Variants in CDH11 observed in about 807,000 individuals in gnomAD.
The protein encoded by CDH11 is cadherin 11.
Under a neutral mutation model 67.8 loss-of-function variants are expected in CDH11, and 11 were observed. The ratio of observed to expected loss-of-function variants is 0.16; its 90% CI spans 0.10 to 0.27. The LOEUF is 0.27. CDH11 is among the 10% of genes least tolerant of loss of function. The pLI, the probability that CDH11 is intolerant of heterozygous loss-of-function variation, is 1.00. For synonymous variants in CDH11, 419 were observed against 400.0 expected (o/e 1.05, Z -0.57); for missense variants, 847 against 1,031.2 (o/e 0.82, Z 2.45).
intron 2 of CDH11, among the ~76,000 whole-genome samples, chr16:65,024,148 G>C (rs1433114224): frequency 6.6e-6 from 1 of 152,124 alleles, no homozygotes; most frequent in African/African-American, 2.4e-5. Flanking sequence ...TGTGAAATTT[G>C]ATAAGGGCAC....
intron 2 of CDH11, among the ~76,000 whole-genome samples, chr16:65,044,975 G>C (rs2073929553): frequency 6.6e-6 from 1 of 152,030 alleles, no homozygotes; most frequent in African/African-American, 2.4e-5. Context: ...CAGCCTCCCT[G>C]GTGGGGGCTT....
rs1251451192 is a variant in CDH11 at position 64,946,792 on chromosome 16, CTT to C, written c.*809_*810del. The C allele has an allele frequency of 3.4e-6, 3 of 878,904 alleles. No individual in the cohort carries two copies. The highest frequency in any genetic ancestry group is 4.2e-6 in the Non-Finnish European group (3 of 722,010). The allele number at this position is 878,904 out of a possible 1,614,324, so 54.4% of individuals were successfully genotyped here. A position where few individuals can be genotyped will look rare whatever the true frequency, so the allele number is the denominator to read the frequency against. On this transcript the variant is annotated 3_prime_UTR_variant, in exon 13 of 13. Coordinates refer to ENST00000268603, the MANE Select transcript of CDH11 (RefSeq NM_001797.4). ...ATCAAACCCAGAATTAAAAAAAAAT[CTT>C]TTTTTATTTCAAAGATTGCTTCTTA...
At position 64,946,111 on chromosome 16, in the gene CDH11, T is replaced by A. The variant is rs2071191622; in HGVS notation, c.*1492A>T. On this transcript the variant is annotated 3_prime_UTR_variant, in exon 13 of 13. Transcript: ENST00000268603. The stretch of plus-strand genomic sequence containing the variant: ...GAATCCAAAATGGTCCCTGCCCTCA[T>A]TCTGAGCTTACGGCCCCAAGCATAT... 1.9e-6 allele frequency: 2 copies of A among 1,057,108 alleles called. No individual in the cohort carries two copies. The highest frequency in any genetic ancestry group is 1.0e-4 in the East Asian group (2 of 19,096). 65.5% of individuals were successfully genotyped at this position (1,057,108 alleles called of 1,614,324 possible).
At chr16:65,077,733 C>T (rs2074538513) in intron 1 of CDH11, among the ~76,000 whole-genome samples, 1 of 152,174 alleles carries the variant, frequency 6.6e-6, no homozygotes, top group South Asian at 2.1e-4. Context: ...CTATAGGACT[C>T]AGAAGTATCA....
intron 2 of CDH11, among the ~76,000 whole-genome samples, chr16:65,044,391 GA>G (rs565711943): frequency 6.6e-5 from 10 of 151,726 alleles, no homozygotes; most frequent in Non-Finnish European, 1.5e-4. Context: ...AAAATCAGAA[GA>G]AAAAAATGAC....
At chr16:65,033,919 T>C (rs1254397546) in intron 2 of CDH11, among the ~76,000 whole-genome samples, 2 of 152,116 alleles carry the variant, frequency 1.3e-5, no homozygotes, top group Admixed American at 6.5e-5. Context: ...ATTCAAAGAA[T>C]ACTTGTGTGA....
intron 2 of CDH11, among the ~76,000 whole-genome samples, chr16:65,029,635 G>C (rs1399553609): frequency 1.3e-5 from 2 of 152,214 alleles, no homozygotes; most frequent in Non-Finnish European, 2.9e-5. Flanking sequence ...TGTTGAATCA[G>C]TTCCTTAATG....
chr16:64,989,041 T>A (rs186204275), intron 6 of CDH11, among the ~76,000 whole-genome samples: 1 of 152,144 alleles, frequency 6.6e-6, no homozygotes, highest in Non-Finnish European at 1.5e-5. Context: ...CTTGTTTTGT[T>A]TACTACTAAA....
At chr16:65,061,146 G>A (rs1462131954) in intron 1 of CDH11, among the ~76,000 whole-genome samples, 1 of 152,148 alleles carries the variant, frequency 6.6e-6, no homozygotes, top group Non-Finnish European at 1.5e-5. Context: ...TGTTATTTGT[G>A]GCTATTTGGT....
intron 7 of CDH11, chr16:64,987,064 T>C (rs2072505165): frequency 6.6e-6 from 1 of 152,244 alleles, no homozygotes; most frequent in East Asian, 1.9e-4. Flanking sequence ...ATATTCATGC[T>C]ATAAAACTAA....
intron 1 of CDH11, among the ~76,000 whole-genome samples, chr16:65,065,833 G>T (rs2074304322): frequency 6.6e-6 from 1 of 152,216 alleles, no homozygotes; most frequent in African/African-American, 2.4e-5. Flanking sequence ...AAGCCCTCAA[G>T]GTCTCCTTGG....
At chr16:65,021,561 C>A (rs1023138715) in intron 2 of CDH11, among the ~76,000 whole-genome samples, 2 of 72,658 alleles carry the variant, frequency 2.8e-5, no homozygotes, top group African/African-American at 1.0e-4. Flanking sequence ...TAAATACACA[C>A]ACACACACAT....
chr16:64,988,961 T>C (rs1361351109), intron 6 of CDH11, among the ~76,000 whole-genome samples: 5 of 152,140 alleles, frequency 3.3e-5, no homozygotes, highest in Non-Finnish European at 7.3e-5. Flanking sequence ...ATATATTTAT[T>C]TAATGTTTAT....
At position 64,948,002 on chromosome 16, in the gene CDH11, A is replaced by G; in HGVS notation, c.1992T>C (p.Asp664=). ...EDVRENIITY[D]DEGGGEEDTE... is the part of the protein sequence containing the mutation. ...TGTCTTCTTCCCCACCCCCTTCATCATCATAAGTAATGATGTTCTCACGGA... is the reference window on the plus strand; with the variant it reads ...TGTCTTCTTCCCCACCCCCTTCATCGTCATAAGTAATGATGTTCTCACGGA... Residue 664 remains aspartate, a synonymous_variant, in exon 13 of 13, where the codon GAT becomes GAC. Coordinates refer to ENST00000268603, the MANE Select transcript of CDH11 (RefSeq NM_001797.4). 1 of 1,614,174 alleles carries G rather than the reference A, an allele frequency of 6.2e-7. No homozygotes were observed. Among genetic ancestry groups the G allele is most frequent in the African/African-American group, 1.3e-5 (1 of 75,034 alleles).
intron 11 of CDH11, among the ~76,000 whole-genome samples, chr16:64,958,769 A>C (rs759190300): frequency 6.6e-5 from 10 of 152,180 alleles, no homozygotes; most frequent in Non-Finnish European, 1.5e-4. Flanking sequence ...CTATAATTAG[A>C]CAAAAAAAAG....
At chr16:64,981,832 C>A in intron 8 of CDH11, 1 of 409,026 alleles carries the variant, frequency 2.4e-6, no homozygotes, top group African/African-American at 2.0e-5. Context: ...TGCTCCAGAG[C>A]AAAGTCATGT....
At chr16:65,085,720 C>A (rs928204167) in intron 1 of CDH11, among the ~76,000 whole-genome samples, 1 of 152,152 alleles carries the variant, frequency 6.6e-6, no homozygotes, top group Non-Finnish European at 1.5e-5. Flanking sequence ...AATGAGGGAA[C>A]TAAGAGTGAG....
chr16:65,122,591 C>T (rs2075353709), upstream of CDH11, among the ~76,000 whole-genome samples: 1 of 152,178 alleles, frequency 6.6e-6, no homozygotes, highest in South Asian at 2.1e-4. Flanking sequence ...CTTTCTCACT[C>T]CACCACCCCA....
intron 7 of CDH11, chr16:64,985,100 C>G (rs949315118): frequency 6.6e-6 from 1 of 152,156 alleles, no homozygotes; most frequent in Non-Finnish European, 1.5e-5. Context: ...ATTTTCCCCT[C>G]TAAGTCCACG....
Sources: allele counts gnomAD v4.1 joint callset (sites outside exome capture counted in the v4.1 genomes callset), GRCh38; gene constraint gnomAD v4.1.1; transcripts MANE v1.5; gene names NCBI Gene and HGNC (gene_info 2026-07-23, HGNC 2026-07-21).